The following ELL variants were observed in gnomAD, a reference collection of about 807,000 sequenced individuals.
ELL encodes elongation factor for RNA polymerase II.
In ELL, 18 loss-of-function variants were observed where a neutral mutation model predicts 64.0. The ratio of observed to expected loss-of-function variants is 0.28; its 90% confidence interval spans 0.19 to 0.42. The LOEUF (loss-of-function observed/expected upper bound fraction) is 0.42, where lower values mean the gene tolerates loss of function less well. Ranked by LOEUF, ELL falls within the 10% of genes least tolerant of loss-of-function variation. The pLI is 1.00. For synonymous variants in ELL, 399 were observed against 376.2 expected (o/e 1.06, Z -0.70); for missense variants, 797 against 870.4 (o/e 0.92, Z 1.06).
At chr19:18,457,708 T>G (rs1974710962) in intron 6 of ELL, among the ~76,000 whole-genome samples, 1 of 152,216 alleles carries the variant, frequency 6.6e-6, no homozygotes, top group African/African-American at 2.4e-5. Flanking sequence ...TGCTGCCACT[T>G]CTGACCCTGG....
intron 6 of ELL, 53 bp from the exon 7 acceptor site, chr19:18,451,701 C>A (rs1382305822): frequency 2.8e-6 from 4 of 1,408,858 alleles, no homozygotes; most frequent in Non-Finnish European, 1.8e-6. Flanking sequence ...GCCTAGGGGC[C>A]CCAGGCCTGT....
intron 1 of ELL, among the ~76,000 whole-genome samples, chr19:18,507,360 C>G (rs562405444): frequency 6.6e-6 from 1 of 152,382 alleles, no homozygotes; most frequent in African/African-American, 2.4e-5. Context: ...AGCCTGGCCA[C>G]AGACCCACAG....
At chr19:18,468,984 C>T (rs955900745) in intron 2 of ELL, among the ~76,000 whole-genome samples, 1 of 152,164 alleles carries the variant, frequency 6.6e-6, no homozygotes, top group Admixed American at 6.5e-5. Flanking sequence ...CTTCACCCTG[C>T]TTGGATCTTT....
intron 2 of ELL, among the ~76,000 whole-genome samples, chr19:18,467,606 C>A: frequency 8.2e-6 from 1 of 122,400 alleles, no homozygotes; most frequent in Non-Finnish European, 1.7e-5. Flanking sequence ...CAGAGAAACC[C>A]TCCCCACCCG....
Position 18,461,857 on chromosome 19 carries a change from A to C in ELL, c.470-5T>G, listed in dbSNP as rs1974821956. On this transcript the variant is annotated splice_region_variant and splice_polypyrimidine_tract_variant and intron_variant, in intron 4 of 11. Transcript: ENST00000262809. ...TCCGAAACTGAACCTTCTTGCCTGC[A>C]ACAAGAATCCAAGCTTTAGGGAACA... 6.2e-7 allele frequency: 1 copy of C among 1,609,716 alleles called. No homozygotes were observed. Among genetic ancestry groups the C allele is most frequent in the Non-Finnish European group, 8.5e-7 (1 of 1,176,916 alleles).
At chr19:18,506,262 G>A (rs555394822) in intron 1 of ELL, among the ~76,000 whole-genome samples, 10 of 152,326 alleles carry the variant, frequency 6.6e-5, no homozygotes, top group African/African-American at 1.9e-4. Flanking sequence ...CCTGTCTCCC[G>A]CACCCTCCAG....
intron 1 of ELL, among the ~76,000 whole-genome samples, chr19:18,493,264 C>T (rs1423859724): frequency 2.6e-5 from 4 of 152,226 alleles, no homozygotes; most frequent in South Asian, 2.1e-4. Context: ...AAAGAAGGGC[C>T]GCTGTCACCA....
chr19:18,462,415 C>A (rs1380492585), intron 4 of ELL, among the ~76,000 whole-genome samples: 1 of 135,672 alleles, frequency 7.4e-6, no homozygotes, highest in Admixed American at 7.6e-5. Flanking sequence ...GAGACAGGAT[C>A]CTGCTCTGTC....
intron 6 of ELL, among the ~76,000 whole-genome samples, chr19:18,454,081 G>A (rs1974599873): frequency 6.6e-6 from 1 of 152,188 alleles, no homozygotes; most frequent in African/African-American, 2.4e-5. Flanking sequence ...AAAATTTTCT[G>A]GAACTAGACA....
chr19:18,488,947 A>C (rs2013069), intron 1 of ELL, among the ~76,000 whole-genome samples: 1 of 152,064 alleles, frequency 6.6e-6, no homozygotes, highest in East Asian at 1.9e-4. Context: ...GGCTGACCAG[A>C]GTCCTGAACT....
intron 10 of ELL, 62 bp downstream of exon 10, chr19:18,446,247 C>T (rs913574299): frequency 4.8e-5 from 67 of 1,394,024 alleles, no homozygotes; most frequent in East Asian, 1.3e-4. Context: ...CGATGGTGCG[C>T]GCCCAAGTGG....
chr19:18,504,340 C>T (rs1228500840), intron 1 of ELL, among the ~76,000 whole-genome samples: 2 of 152,238 alleles, frequency 1.3e-5, no homozygotes, highest in Non-Finnish European at 2.9e-5. Flanking sequence ...GGATTACCCA[C>T]ATCTCAAGTC....
chr19:18,485,965 G>A (rs1346881053), intron 1 of ELL, among the ~76,000 whole-genome samples: 1 of 149,884 alleles, frequency 6.7e-6, no homozygotes, highest in South Asian at 2.1e-4. Context: ...CAGCCTGGGC[G>A]ACAGAGCGAG....
intron 2 of ELL, 24 bp from the exon 3 acceptor site, chr19:18,465,942 C>CA (rs1974927289): frequency 9.3e-6 from 12 of 1,287,552 alleles, no homozygotes; most frequent in Non-Finnish European, 1.2e-5. Context: ...GAGGGGGTGT[C>CA]ACTGGGAGGT....
chr19:18,508,747 G>A (rs879937976), intron 1 of ELL, among the ~76,000 whole-genome samples: 5 of 152,242 alleles, frequency 3.3e-5, no homozygotes, highest in Non-Finnish European at 5.9e-5. Context: ...CTTGGCTGCC[G>A]TCACAGGGCA....
At chr19:18,509,627 A>G (rs867956980) in intron 1 of ELL, among the ~76,000 whole-genome samples, 1,549 of 148,796 alleles carry the variant, frequency 0.01, 59 homozygotes, top group African/African-American at 0.021. Context: ...ACACACACAC[A>G]CACACACACA....
At chr19:18,520,112 T>C (rs1331612148) in intron 1 of ELL, among the ~76,000 whole-genome samples, 1 of 152,050 alleles carries the variant, frequency 6.6e-6, no homozygotes, top group Non-Finnish European at 1.5e-5. Context: ...AAAATAGCAG[T>C]GTGACAGCAT....
At position 18,458,209 on chromosome 19, in the gene ELL, C is replaced by G; in HGVS notation, c.865G>C (p.Val289Leu). ...GGGGATGGGAGGCGGCATTACCGGA[C>G]GAGCACCCGCTTCAGCAGCTGCTGG... is the stretch of plus-strand genomic sequence containing the variant. The part of the protein sequence containing the change: ...GDQQLLKRVL[V>L]RKLCQPQSTG... Residue 289 changes from valine (V) to leucine (L), a missense_variant, in exon 6 of 12, where the codon GTC (valine) becomes CTC (leucine). By Grantham distance (32) the Val-to-Leu change is conservative. Coordinates refer to ENST00000262809, the MANE Select transcript of ELL (RefSeq NM_006532.4). 1 of 1,609,452 alleles carries G rather than the reference C, an allele frequency of 6.2e-7. No homozygotes were observed. The highest frequency in any genetic ancestry group is 8.5e-7 in the Non-Finnish European group (1 of 1,179,902).
At chr19:18,502,160 G>A (rs773035294) in intron 1 of ELL, among the ~76,000 whole-genome samples, 3 of 152,234 alleles carry the variant, frequency 2.0e-5, no homozygotes, top group South Asian at 2.1e-4. Context: ...AGGAGCACCC[G>A]GGAGGCTCCT....
Sources: gnomAD v4.1 joint callset for allele counts (sites outside exome capture counted in the v4.1 genomes callset) on GRCh38, gnomAD v4.1.1 for gene constraint, MANE v1.5 for transcripts, NCBI Gene and HGNC (gene_info 2026-07-23, HGNC 2026-07-21) for gene names.